The following OTOGL variants were observed in gnomAD, a reference collection of about 807,000 sequenced individuals.
OTOGL encodes otogelin-like protein.
OTOGL carries 285 observed loss-of-function variants against 318.5 expected under a neutral mutation model. The observed-to-expected ratio is 0.89, with a 90% CI of 0.81 to 0.99. OTOGL has a LOEUF of 0.99. OTOGL is among the 50% of genes least tolerant of loss of function. The pLI is 0.00. For synonymous variants in OTOGL, 987 were observed against 936.5 expected, an observed-to-expected ratio of 1.05 and a Z score of -0.99; for missense variants, 2,899 against 2,845.6, an observed-to-expected ratio of 1.02 and a Z score of -0.43.
intron 4 of OTOGL, among the ~76,000 whole-genome samples, chr12:80,215,493 C>T (rs1436427404): frequency 6.6e-6 from 1 of 152,044 alleles, no homozygotes; most frequent in African/African-American, 2.4e-5. Flanking sequence ...TTATTATGTG[C>T]CTGGCACTAT....
At chr12:80,195,316 C>T (rs979441352) in intron 1 of OTOGL, among the ~76,000 whole-genome samples, 8 of 152,154 alleles carry the variant, frequency 5.3e-5, no homozygotes, top group African/African-American at 1.9e-4. Flanking sequence ...TGCACACTGA[C>T]GTTCAGTAGT....
At chr12:80,261,653 A>G (rs1252382593) in intron 18 of OTOGL, among the ~76,000 whole-genome samples, 2 of 152,086 alleles carry the variant, frequency 1.3e-5, no homozygotes. Flanking sequence ...TTTGATACTT[A>G]GCAGCTTAGT....
intron 1 of OTOGL, among the ~76,000 whole-genome samples, chr12:80,142,670 C>G (rs780103942): frequency 3.3e-5 from 5 of 152,114 alleles, no homozygotes; most frequent in Non-Finnish European, 5.9e-5. Context: ...TTTGACGGCC[C>G]CTTAACACTG....
At chr12:80,142,686 G>A (rs1000214860) in intron 1 of OTOGL, among the ~76,000 whole-genome samples, 1 of 152,112 alleles carries the variant, frequency 6.6e-6, no homozygotes, top group Non-Finnish European at 1.5e-5. Flanking sequence ...CACTGCCTGT[G>A]TCTGTTCCCT....
chr12:80,244,738 C>T (rs1221958211), intron 11 of OTOGL, among the ~76,000 whole-genome samples: 2 of 148,278 alleles, frequency 1.3e-5, no homozygotes, highest in Non-Finnish European at 2.9e-5. Flanking sequence ...TGAGGAATCA[C>T]CACAATGACT....
At chr12:80,235,432 C>T (rs1187540248) in intron 9 of OTOGL, among the ~76,000 whole-genome samples, 3 of 136,970 alleles carry the variant, frequency 2.2e-5, no homozygotes, top group South Asian at 2.3e-4. Flanking sequence ...CATGCCACTG[C>T]ACTCCAGCCT....
chr12:80,262,804 T>C (rs1882653593), intron 19 of OTOGL, among the ~76,000 whole-genome samples: 1 of 152,170 alleles, frequency 6.6e-6, no homozygotes, highest in South Asian at 2.1e-4. Flanking sequence ...GACATACACA[T>C]GTATATATAT....
intron 52 of OTOGL, among the ~76,000 whole-genome samples, chr12:80,360,349 C>CCTCTCTCCCTCTCACTCCCCCT (rs1890158910): frequency 1.3e-5 from 2 of 148,294 alleles, no homozygotes; most frequent in Non-Finnish European, 3.0e-5. Context: ...TCTCTCACTC[C>CCTCTCTCCCTCTCACTCCCCCT]CTCTCTCCCT....
intron 1 of OTOGL, among the ~76,000 whole-genome samples, chr12:80,102,747 A>G (rs375153463): frequency 6.6e-6 from 1 of 152,100 alleles, no homozygotes; most frequent in African/African-American, 2.4e-5. Flanking sequence ...CTTGAGGTAT[A>G]TCCTAAAACT....
intron 19 of OTOGL, among the ~76,000 whole-genome samples, chr12:80,264,747 T>C (rs1049552245): frequency 6.6e-6 from 1 of 152,174 alleles, no homozygotes; most frequent in Non-Finnish European, 1.5e-5. Flanking sequence ...GGCCACTGCT[T>C]CTCTCAACCC....
chr12:80,313,530 C>T lies in OTOGL; in HGVS notation c.3505C>T (p.Leu1169Phe). ...TCATGAAGATACATGTAACTGCAAT[C>T]TTGGTGGCGACTGTGAGTGTTTGTG... Reference protein sequence around the residue: ...NCHEDTCNCNLGGDCECLCTS... With the variant: ...NCHEDTCNCNFGGDCECLCTS... The change falls in exon 31 of 59, where the codon CTT (leucine) becomes TTT (phenylalanine). Residue 1169 changes from leucine to phenylalanine, a missense_variant. Transcript: ENST00000547103. 6.2e-7 allele frequency: 1 copy of T among 1,612,590 alleles called. No homozygotes were observed. Among genetic ancestry groups the T allele is most frequent in the Non-Finnish European group, 8.5e-7 (1 of 1,178,830 alleles).
chr12:80,183,101 A>T (rs1213660557), intron 1 of OTOGL, among the ~76,000 whole-genome samples: 1 of 152,198 alleles, frequency 6.6e-6, no homozygotes, highest in South Asian at 2.1e-4. Context: ...TGCTTACAAT[A>T]CAATTGGTGC....
chr12:80,308,980 TG>T (rs1886444858), intron 29 of OTOGL, among the ~76,000 whole-genome samples: 1 of 68,236 alleles, frequency 1.5e-5, no homozygotes, highest in Non-Finnish European at 3.4e-5. Flanking sequence ...AGGGAGACCG[TG>T]GGGAGAGGGA....
Position 80,378,038 on chromosome 12 carries a change from A to C in OTOGL, c.7052A>C (p.Gln2351Pro), listed in dbSNP as rs193208009. 372 of 1,570,324 alleles carry C rather than the reference A, an allele frequency of 2.4e-4. 1 individual carries two copies. The highest frequency in any genetic ancestry group is 9.7e-5 in the Non-Finnish European group (112 of 1,154,820). The change falls in exon 59 of 59, where the codon CAG becomes CCG. Residue 2351 changes from glutamine to proline, a missense_variant. Around this residue, in one of 3 missense-constraint regions of OTOGL, gnomAD observed 289 missense variants for 304.6 expected, o/e 0.95. Transcript: ENST00000547103. ...CAGGAACCCATAGACTGTACGTGCC[A>C]GTGGAATTAAACCCTTGGGTTCCAA... ...TLQEPIDCTC[Q>P]WN is the part of the protein sequence containing the mutation.
intron 35 of OTOGL, among the ~76,000 whole-genome samples, chr12:80,324,478 T>C (rs1051297328): frequency 4.6e-5 from 7 of 152,142 alleles, no homozygotes; most frequent in African/African-American, 1.4e-4. Flanking sequence ...AGTGGGCAAA[T>C]CATATAAGGC....
chr12:80,307,402 CA>C (rs1380285952), intron 29 of OTOGL, among the ~76,000 whole-genome samples: 1 of 151,208 alleles, frequency 6.6e-6, no homozygotes, highest in Non-Finnish European at 1.5e-5. Flanking sequence ...AGGCACCCCT[CA>C]CCTCCCGGAC....
chr12:80,265,532 G>C, intron 20 of OTOGL: 1 of 342,784 alleles, frequency 2.9e-6, no homozygotes, highest in Non-Finnish European at 5.6e-6. Context: ...GGAAAGTATG[G>C]AACAGATTAT....
chr12:80,351,544 G>C (rs1008110708), intron 44 of OTOGL, among the ~76,000 whole-genome samples: 2 of 152,018 alleles, frequency 1.3e-5, no homozygotes, highest in Non-Finnish European at 2.9e-5. Context: ...TCAATCTCTT[G>C]ACCTCGTGAT....
intron 13 of OTOGL, among the ~76,000 whole-genome samples, chr12:80,252,556 A>AGTTTTAATATTT (rs1881666375): frequency 1.3e-5 from 2 of 152,214 alleles, no homozygotes; most frequent in Non-Finnish European, 2.9e-5. Flanking sequence ...GGCACAATCT[A>AGTTTTAATATTT]GTACTGATGT....
Sources: gnomAD v4.1 joint callset for allele counts (sites outside exome capture counted in the v4.1 genomes callset) on GRCh38, gnomAD v4.1.1 for gene constraint, gnomAD v4.1.1 regional missense constraint, MANE v1.5 for transcripts, NCBI Gene and HGNC (gene_info 2026-07-23, HGNC 2026-07-21) for gene names.